The following GRAMD1C variants were observed in gnomAD, a reference collection of about 807,000 sequenced individuals.
GRAMD1C encodes the protein protein Aster-C.
A neutral mutation model predicts 97.8 loss-of-function variants in GRAMD1C; 89 were observed. The ratio of observed to expected loss-of-function variants is 0.91; its 90% confidence interval spans 0.77 to 1.09. The LOEUF is 1.09. GRAMD1C is among the 50% of genes least tolerant of loss of function. The pLI, the probability that GRAMD1C is intolerant of heterozygous loss-of-function variation, is 0.00. For synonymous variants in GRAMD1C, 256 were observed against 267.0 expected (o/e 0.96, Z 0.40); for missense variants, 740 against 766.4 (o/e 0.97, Z 0.41).
At chr3:113,863,620 G>A (rs766141307) in intron 2 of GRAMD1C, among the ~76,000 whole-genome samples, 4 of 151,312 alleles carry the variant, frequency 2.6e-5, no homozygotes, top group Non-Finnish European at 4.4e-5. Context: ...GAATTCTATA[G>A]TATGTGAATT....
intron 6 of GRAMD1C, chr3:113,890,934 A>G (rs1935700694): frequency 1.2e-5 from 6 of 518,554 alleles, no homozygotes; most frequent in Non-Finnish European, 2.0e-5. Flanking sequence ...ACCATAGCCA[A>G]GAAACACTGC....
chr3:113,841,433 G>A (rs1933295741), intron 1 of GRAMD1C, among the ~76,000 whole-genome samples: 1 of 151,414 alleles, frequency 6.6e-6, no homozygotes, highest in Non-Finnish European at 1.5e-5. Flanking sequence ...TTACAGGCAC[G>A]TACCACCACG....
chr3:113,881,027 AT>A (rs1295578322), intron 5 of GRAMD1C, among the ~76,000 whole-genome samples: 2 of 152,176 alleles, frequency 1.3e-5, no homozygotes, highest in Non-Finnish European at 2.9e-5. Context: ...AATCATAGCA[AT>A]TTTAGTTGTT....
At chr3:113,842,821 G>A (rs1226269541) in intron 1 of GRAMD1C, among the ~76,000 whole-genome samples, 1 of 151,858 alleles carries the variant, frequency 6.6e-6, no homozygotes, top group Non-Finnish European at 1.5e-5. Context: ...AAATTAGCCG[G>A]GTGAGGTGGT....
chr3:113,840,993 C>G (rs1400468278), intron 1 of GRAMD1C, among the ~76,000 whole-genome samples: 2 of 152,194 alleles, frequency 1.3e-5, no homozygotes, highest in Non-Finnish European at 2.9e-5. Flanking sequence ...GATGTTATGT[C>G]TCTCTGGAGG....
chr3:113,860,131 C>T (rs1934306115), intron 2 of GRAMD1C, among the ~76,000 whole-genome samples: 4 of 152,112 alleles, frequency 2.6e-5, no homozygotes, highest in African/African-American at 4.8e-5. Context: ...AAGCGATTCT[C>T]CTGCCTCAGC....
intron 2 of GRAMD1C, among the ~76,000 whole-genome samples, chr3:113,862,404 TC>T (rs1407506958): frequency 1.3e-5 from 2 of 152,230 alleles, no homozygotes; most frequent in Non-Finnish European, 2.9e-5. Context: ...GCGATATTTC[TC>T]CCATTTGCTT....
In GRAMD1C at chr3:113,844,481, T is replaced by A. The variant is rs1283575516; in HGVS notation, c.28-22T>A. ...GGCCATTTCTCAATAAATAATTGAC[T>A]TAGTTTGATATTTGTTTCCAGGTGA... is the stretch of plus-strand genomic sequence containing the variant. On this transcript the variant is annotated intron_variant, in intron 1 of 17. Transcript: ENST00000358160. 8.4e-6 allele frequency: 13 copies of A among 1,549,682 alleles called. No individual in the cohort carries two copies. In the East Asian group the frequency reaches 2.7e-4, roughly 32 times the overall value.
intron 1 of GRAMD1C, among the ~76,000 whole-genome samples, chr3:113,839,216 G>T (rs1423392634): frequency 2.6e-5 from 4 of 152,104 alleles, no homozygotes; most frequent in African/African-American, 9.7e-5. Context: ...TCAGCCCCAG[G>T]CCCCCTTGGG....
upstream of GRAMD1C, among the ~76,000 whole-genome samples, chr3:113,836,548 C>T: frequency 6.6e-6 from 1 of 151,390 alleles, no homozygotes; most frequent in African/African-American, 2.4e-5. Context: ...TTTTTACATC[C>T]CCATGGATAA....
intron 8 of GRAMD1C, among the ~76,000 whole-genome samples, chr3:113,907,713 A>C (rs1271776074): frequency 1.3e-5 from 2 of 152,192 alleles, no homozygotes; most frequent in Non-Finnish European, 2.9e-5. Flanking sequence ...AATACAGTAG[A>C]GTATACAAAG....
chr3:113,876,211 C>A lies in GRAMD1C; in HGVS notation c.410C>A (p.Thr137Asn). 1 of 1,602,756 alleles carries A rather than the reference C, an allele frequency of 6.2e-7. No individual in the cohort carries two copies. Among genetic ancestry groups the A allele is most frequent in the Non-Finnish European group, 8.5e-7 (1 of 1,170,398 alleles). ...ATAACCTTCATGACCAAGGAAAAAA[C>A]TGCTCGACTCATCCCAAACGCTATC... The part of the protein sequence containing the change: ...KNITFMTKEK[T>N]ARLIPNAIQI... The change falls in exon 5 of 18, where the codon ACT becomes AAT. Residue 137 changes from threonine (T) to asparagine (N), a missense_variant. Coordinates refer to ENST00000358160, the MANE Select transcript of GRAMD1C (RefSeq NM_017577.5).
chr3:113,881,236 C>T (rs1328745309), intron 5 of GRAMD1C, among the ~76,000 whole-genome samples: 1 of 152,178 alleles, frequency 6.6e-6, no homozygotes, highest in Non-Finnish European at 1.5e-5. Flanking sequence ...CTCGCTGCAA[C>T]CTCCGCCTCC....
At chr3:113,831,276 A>G (rs149601482) in intron 1 of GRAMD1C, among the ~76,000 whole-genome samples, 97 of 152,342 alleles carry the variant, frequency 6.4e-4, no homozygotes, top group Middle Eastern at 3.4e-3. Context: ...GTTCTTTAGT[A>G]TGAAAGAACA....
intron 9 of GRAMD1C, among the ~76,000 whole-genome samples, chr3:113,911,543 C>T (rs1205265430): frequency 1.3e-5 from 2 of 151,972 alleles, no homozygotes; most frequent in Non-Finnish European, 2.9e-5. Context: ...GACACTAATT[C>T]TACCAGATCT....
chr3:113,928,693 A>C (rs1937311782), intron 10 of GRAMD1C, among the ~76,000 whole-genome samples: 1 of 152,196 alleles, frequency 6.6e-6, no homozygotes, highest in African/African-American at 2.4e-5. Flanking sequence ...TGACTACTCA[A>C]GGTGCCTTGC....
intron 10 of GRAMD1C, among the ~76,000 whole-genome samples, chr3:113,920,407 G>A (rs1290614284): frequency 1.3e-5 from 2 of 152,104 alleles, no homozygotes; most frequent in African/African-American, 4.8e-5. Context: ...TGCTCTCTTT[G>A]AAACACTGGA....
rs375400397 is a variant in GRAMD1C, at chr3:113,885,408, G to GTA, written c.540+2577_540+2578dup. On this transcript the variant is annotated intron_variant, in intron 6 of 17. Coordinates refer to ENST00000358160, the MANE Select transcript of GRAMD1C (RefSeq NM_017577.5). ...GGGGGCAGATCCGCACGGTAATTCA[G>GTA]TACCAAACTGTTCGATATGATATCC... 1,338 of 1,576,634 alleles carry GTA rather than the reference G, an allele frequency of 8.5e-4. 13 individuals carry two copies. In the African/African-American group the frequency reaches 0.016, roughly 19 times the overall value.
intron 6 of GRAMD1C, chr3:113,885,863 A>C: frequency 6.2e-7 from 1 of 1,612,112 alleles, no homozygotes; most frequent in Non-Finnish European, 8.5e-7. Context: ...ATAACTCCCT[A>C]GGGGCTTACA....
Sources: gnomAD v4.1 joint callset for allele counts (sites outside exome capture counted in the v4.1 genomes callset) on GRCh38, gnomAD v4.1.1 for gene constraint, MANE v1.5 for transcripts, NCBI Gene and HGNC (gene_info 2026-07-23, HGNC 2026-07-21) for gene names.